The following PHF8 variants were observed in gnomAD, a reference collection of about 807,000 sequenced individuals.
The protein encoded by PHF8 is PHD finger protein 8, also known as histone lysine demethylase PHF8.
In PHF8, 9 loss-of-function variants were observed where a neutral mutation model predicts 74.4. The observed-to-expected ratio is 0.12, with a 90% CI of 0.07 to 0.21. The LOEUF (loss-of-function observed/expected upper bound fraction) is 0.21, where lower values mean the gene tolerates loss of function less well. Among genes scored for constraint, PHF8 ranks in the 10% least tolerant of loss-of-function variants. The probability of loss-of-function intolerance (pLI) is 1.00; values close to 1 mark genes in which losing one functional copy is unlikely to be tolerated. For synonymous variants in PHF8, 311 were observed against 316.6 expected, an observed-to-expected ratio of 0.98 and a Z score of 0.19; for missense variants, 478 against 816.6, an observed-to-expected ratio of 0.59 and a Z score of 5.05.
intron 11 of PHF8, among the ~76,000 whole-genome samples, chrX:53,996,219 C>T (rs1467571733): frequency 9.1e-6 from 1 of 110,078 alleles, no homozygotes; most frequent in Non-Finnish European, 1.9e-5. Flanking sequence ...CGGGTTCAAG[C>T]GATTCTCCTG....
At chrX:54,032,383 C>G (rs2066374573) in intron 2 of PHF8, among the ~76,000 whole-genome samples, 1 of 110,606 alleles carries the variant, frequency 9.0e-6, no homozygotes, top group Admixed American at 9.7e-5. Context: ...GCTTCTATTA[C>G]TCTCCCCTCA....
chrX:53,965,531 C>G (rs1258410756), intron 18 of PHF8, among the ~76,000 whole-genome samples: 1 of 112,094 alleles, frequency 8.9e-6, no homozygotes, highest in Non-Finnish European at 1.9e-5. Flanking sequence ...CCTAGCTACT[C>G]GGGAGGCTGA....
At chrX:54,005,630 A>G (rs1371696555) in intron 8 of PHF8, among the ~76,000 whole-genome samples, 188 of 109,388 alleles carry the variant, frequency 1.7e-3, no homozygotes, top group African/African-American at 5.7e-3. Context: ...CTTAAAAAAA[A>G]AAAAAAAAAA....
Position 53,940,165 on chromosome X carries a change from A to G in PHF8, c.2986+15T>C, listed in dbSNP as rs1006108090. On this transcript the variant is annotated intron_variant, in intron 21 of 21. Coordinates refer to ENST00000338154, the MANE Select transcript of PHF8 (RefSeq NM_015107.3). Reference sequence around the variant, plus strand: ...TCTAAGATCCTTCGGTTCTACAACCATATGGCCGTTGTACCTTGTCCTGCC... The same window carrying G: ...TCTAAGATCCTTCGGTTCTACAACCGTATGGCCGTTGTACCTTGTCCTGCC... 1 of 1,144,823 alleles carries G rather than the reference A, an allele frequency of 8.7e-7. No homozygotes were observed. The highest frequency in any genetic ancestry group is 1.2e-6 in the Non-Finnish European group (1 of 850,692). 94.3% of individuals were successfully genotyped at this position (1,144,823 alleles called of 1,213,427 possible). A position where few individuals can be genotyped will look rare whatever the true frequency, so the allele number is the denominator to read the frequency against.
At chrX:54,017,265 G>T (rs377678577) in intron 5 of PHF8, among the ~76,000 whole-genome samples, 53 of 112,621 alleles carry the variant, frequency 4.7e-4, no homozygotes, top group African/African-American at 1.6e-3. Flanking sequence ...GGGCAACATA[G>T]TGTGACATCA....
chrX:54,033,686 C>T (rs1226910342), intron 2 of PHF8, among the ~76,000 whole-genome samples: 2 of 110,377 alleles, frequency 1.8e-5, no homozygotes, highest in African/African-American at 3.3e-5. Context: ...TGCACTCCAG[C>T]CTGGGCAACA....
At chrX:54,005,622 T>TAAAAAAAA (rs782521734) in intron 8 of PHF8, among the ~76,000 whole-genome samples, 3 of 67,362 alleles carry the variant, frequency 4.5e-5, no homozygotes, top group Admixed American at 1.6e-4. Flanking sequence ...GCAGAAAACT[T>TAAAAAAAA]AAAAAAAAAA....
chrX:53,977,560 C>T (rs1225388104), intron 18 of PHF8, among the ~76,000 whole-genome samples: 7 of 110,898 alleles, frequency 6.3e-5, no homozygotes, highest in African/African-American at 2.3e-4. Context: ...TTGACAAAAC[C>T]AAGTGCTGAT....
At chrX:53,980,833 CAAG>C (rs1299096447) in intron 18 of PHF8, among the ~76,000 whole-genome samples, 9 of 112,651 alleles carry the variant, frequency 8.0e-5, no homozygotes, top group Non-Finnish European at 1.5e-4. Flanking sequence ...GAGATACATA[CAAG>C]AAGACCTGAA....
At chrX:53,943,601 G>A (rs989260203) in intron 20 of PHF8, among the ~76,000 whole-genome samples, 3 of 111,889 alleles carry the variant, frequency 2.7e-5, no homozygotes, top group Admixed American at 9.5e-5. Context: ...AGCACATTAC[G>A]CACATTAAAG....
Position 53,940,402 on chromosome X carries a change from C to T in PHF8, c.2764G>A (p.Val922Met), listed in dbSNP as rs1188772356. 8.3e-7 allele frequency: 1 copy of T among 1,206,806 alleles called. No homozygotes were observed. Among genetic ancestry groups the T allele is most frequent in the Non-Finnish European group, 1.1e-6 (1 of 892,903 alleles). The change falls in exon 21 of 22, where the codon GTG (valine) becomes ATG (methionine). Residue 922 changes from valine (V) to methionine (M), a missense_variant. This residue lies in a region of PHF8 where 75 missense variants were observed against 93.3 expected (regional missense o/e 0.80). Transcript: ENST00000338154. ...NLSLTVPAPT[V>M]AATPQLVTSS... The stretch of plus-strand genomic sequence containing the variant: ...GTGACAAGTTGTGGTGTGGCAGCCA[C>T]AGTGGGGGCTGGTACTGTCAGACTG...
At chrX:53,955,702 T>C (rs1352822003) in intron 19 of PHF8, among the ~76,000 whole-genome samples, 2 of 109,898 alleles carry the variant, frequency 1.8e-5, no homozygotes, top group Non-Finnish European at 3.8e-5. Context: ...TAGAATGCCT[T>C]AGTAGAATGC....
At chrX:53,985,625 G>T in intron 17 of PHF8, 191 bp downstream of exon 17, 1 of 723,614 alleles carries the variant, frequency 1.4e-6, no homozygotes, top group Non-Finnish European at 2.1e-6. Context: ...ACATCTTATT[G>T]CCATCAGATC....
At chrX:53,973,416 A>T (rs1233812761) in intron 18 of PHF8, among the ~76,000 whole-genome samples, 2 of 111,753 alleles carry the variant, frequency 1.8e-5, no homozygotes, top group Non-Finnish European at 3.8e-5. Context: ...ACAGTAACCA[A>T]AACAGCATGC....
intron 12 of PHF8, among the ~76,000 whole-genome samples, 171 bp downstream of exon 12, chrX:53,995,522 T>C (rs1217443592): frequency 2.7e-5 from 3 of 112,194 alleles, no homozygotes; most frequent in Middle Eastern, 4.2e-3. Flanking sequence ...TAGCCCAATG[T>C]GCGGCACACT....
chrX:53,956,233 G>C (rs1177684680), intron 19 of PHF8, among the ~76,000 whole-genome samples: 1 of 111,713 alleles, frequency 9.0e-6, no homozygotes, highest in Non-Finnish European at 1.9e-5. Context: ...CTGGGCAACA[G>C]AGTGAGACTC....
In PHF8 at chrX:54,014,574, A is replaced by T; in HGVS notation, c.597-11T>A. ...ACAAGGTTAGAAAGTCTACCAAGGA[A>T]GGGGTGGAGAGCAGATGTCAGCTGA... On this transcript the variant is annotated splice_polypyrimidine_tract_variant and intron_variant, in intron 6 of 21. Transcript: ENST00000338154. 8.6e-7 allele frequency: 1 copy of T among 1,160,316 alleles called. No homozygotes were observed. Among genetic ancestry groups the T allele is most frequent in the Non-Finnish European group, 1.2e-6 (1 of 849,992 alleles).
At chrX:53,954,828 C>T (rs1371741037) in intron 19 of PHF8, among the ~76,000 whole-genome samples, 1 of 110,902 alleles carries the variant, frequency 9.0e-6, no homozygotes, top group African/African-American at 3.3e-5. Flanking sequence ...ATTCTTTAAG[C>T]TAATTATACC....
chrX:53,941,776 G>A (rs1225672200), intron 20 of PHF8, among the ~76,000 whole-genome samples: 2 of 111,610 alleles, frequency 1.8e-5, no homozygotes, highest in African/African-American at 6.5e-5. Flanking sequence ...TTTAATACTT[G>A]TAAATACCCA....
Sources: allele counts gnomAD v4.1 joint callset (sites outside exome capture counted in the v4.1 genomes callset), GRCh38; gene constraint gnomAD v4.1.1; regional missense constraint gnomAD v4.1.1; transcripts MANE v1.5; gene names NCBI Gene and HGNC (gene_info 2026-07-23, HGNC 2026-07-21).